Variants in PTGFRN observed in about 807,000 individuals in gnomAD.
PTGFRN encodes prostaglandin F2 receptor negative regulator.
Under a neutral mutation model 83.2 loss-of-function variants are expected in PTGFRN, and 35 were observed. The ratio of observed to expected loss-of-function variants is 0.42; its 90% CI spans 0.32 to 0.56. PTGFRN has a LOEUF of 0.56. PTGFRN is among the 20% of genes least tolerant of loss of function. The pLI, the probability that PTGFRN is intolerant of heterozygous loss-of-function variation, is 0.11. For missense variants in PTGFRN, 1,051 were observed against 1,179.5 expected, an observed-to-expected ratio of 0.89 and a Z score of 1.60; for synonymous variants, 519 against 498.6, an observed-to-expected ratio of 1.04 and a Z score of -0.55.
intron 7 of PTGFRN, among the ~76,000 whole-genome samples, chr1:116,982,560 CAA>C (rs754782950): frequency 6.6e-6 from 1 of 151,968 alleles, no homozygotes; most frequent in African/African-American, 2.4e-5. Flanking sequence ...TCTCCGCAAG[CAA>C]AGACAGACAA....
Position 116,984,908 on chromosome 1 carries a change from T to A in PTGFRN, c.2396T>A (p.Val799Glu), listed in dbSNP as rs764595011. The A allele has an allele frequency of 6.2e-7, 1 of 1,614,184 alleles. No individual in the cohort carries two copies. The highest frequency in any genetic ancestry group is 1.7e-5 in the Admixed American group (1 of 60,024). The change falls in exon 8 of 9, where the codon GTG becomes GAG. Residue 799 changes from valine (V) to glutamate (E), a missense_variant. Val to Glu is a moderately radical substitution (Grantham distance 121). Around this residue, in one of 3 missense-constraint regions of PTGFRN, gnomAD observed 719 missense variants for 836.6 expected, o/e 0.86. Coordinates refer to ENST00000393203, the MANE Select transcript of PTGFRN (RefSeq NM_020440.4). ...TACTACTGTTCCGTGACTCCATGGG[T>A]GAAGTCACCAACAGGTTCCTGGCAG... ...GNYYCSVTPW[V>E]KSPTGSWQKE...
In PTGFRN at chr1:116,961,209, T is replaced by C; in HGVS notation, c.1214-34T>C. ...AATTCTTGCCATGTTACTCTAATTA[T>C]TTTCCTATCCTGGCCTTTCTGTCTC... On this transcript the variant is annotated intron_variant, in intron 4 of 8. Transcript: ENST00000393203. The surrounding 1 kb of genome is among the most constrained non-coding windows in gnomAD (Gnocchi z 5.4). The C allele has an allele frequency of 6.7e-7, 1 of 1,494,450 alleles. No individual in the cohort carries two copies. The highest frequency in any genetic ancestry group is 8.9e-7 in the Non-Finnish European group (1 of 1,122,050). The allele number at this position is 1,494,450 out of a possible 1,614,324, so 92.6% of individuals were successfully genotyped here. A position where few individuals can be genotyped will look rare whatever the true frequency, so the allele number is the denominator to read the frequency against.
rs1479780768 is a variant in PTGFRN, at chr1:116,918,642, C to T, written c.49+8390C>T. ...ACTGAGGCAAAGCCATGGTCAGAGTCTGAGCTGGAGGAGAGTGGGCTGGGG... is the reference window on the plus strand; with the variant it reads ...ACTGAGGCAAAGCCATGGTCAGAGTTTGAGCTGGAGGAGAGTGGGCTGGGG... On this transcript the variant is annotated intron_variant, in intron 1 of 8. Transcript: ENST00000393203. This position sits in a 1 kb window ranked among gnomAD's most constrained non-coding sequence, Gnocchi z 4.1. Among the ~76,000 whole-genome samples the T allele has an allele frequency of 2.0e-5, 3 of 152,184 alleles. No homozygotes were observed. Among genetic ancestry groups the T allele is most frequent in the Non-Finnish European group, 4.4e-5 (3 of 68,046 alleles).
chr1:116,972,208 A>G (rs548090929), intron 6 of PTGFRN, among the ~76,000 whole-genome samples: 1 of 152,290 alleles, frequency 6.6e-6, no homozygotes, highest in African/African-American at 2.4e-5. Context: ...ATTGAAGGGG[A>G]TGATGTCCAG....
At chr1:116,924,217 G>A (rs998998798) in intron 1 of PTGFRN, among the ~76,000 whole-genome samples, 2 of 145,168 alleles carry the variant, frequency 1.4e-5, no homozygotes, top group Non-Finnish European at 3.0e-5. Context: ...GCACAGTCTC[G>A]GCTCATTGCA....
Position 116,984,970 on chromosome 1 carries a change from A to G in PTGFRN, c.2458A>G (p.Thr820Ala). 2 of 1,613,600 alleles carry G rather than the reference A, an allele frequency of 1.2e-6. No homozygotes were observed. Among genetic ancestry groups the G allele is most frequent in the Non-Finnish European group, 1.7e-6 (2 of 1,179,590 alleles). The change falls in exon 8 of 9, where the codon ACT (threonine) becomes GCT (alanine). Residue 820 changes from threonine (T) to alanine (A), a missense_variant. Physicochemically the swap from Thr to Ala is moderately conservative, Grantham distance 58 (BLOSUM62 0). Coordinates refer to ENST00000393203, the MANE Select transcript of PTGFRN (RefSeq NM_020440.4). ...GATCCACTCCAAGCCCGTTTTTATA[A>G]CTGTGAAGATGGATGGTAAGAATGT... ...AEIHSKPVFI[T>A]VKMDVLNAFK...
At chr1:116,917,327 C>T (rs1317340940) in intron 1 of PTGFRN, among the ~76,000 whole-genome samples, 1 of 152,124 alleles carries the variant, frequency 6.6e-6, no homozygotes, top group African/African-American at 2.4e-5. Context: ...CCAGGCGTCT[C>T]TAAGCAGGCC....
At chr1:116,938,454 G>T (rs1362989322) in intron 1 of PTGFRN, among the ~76,000 whole-genome samples, 1 of 152,214 alleles carries the variant, frequency 6.6e-6, no homozygotes, top group East Asian at 1.9e-4. Flanking sequence ...GCAAAGAGAA[G>T]AGCGCTTGTG....
chr1:116,919,242 G>A (rs1012363068), intron 1 of PTGFRN, among the ~76,000 whole-genome samples: 6 of 152,288 alleles, frequency 3.9e-5, no homozygotes, highest in South Asian at 4.1e-4. Context: ...AGCCCTAGGC[G>A]TTGTGGGGAA....
chr1:116,947,356 C>G (rs1466742810), intron 3 of PTGFRN, among the ~76,000 whole-genome samples: 1 of 152,212 alleles, frequency 6.6e-6, no homozygotes, highest in African/African-American at 2.4e-5. Context: ...AGAGAACCTG[C>G]CCCACCACAG....
chr1:116,910,306 G>C, intron 1 of PTGFRN, 54 bp downstream of exon 1: 1 of 1,266,354 alleles, frequency 7.9e-7, no homozygotes, highest in Non-Finnish European at 9.9e-7. Flanking sequence ...GGCCCTGGAG[G>C]GCTCGGCGGG....
chr1:116,961,583 T>C lies in PTGFRN; in HGVS notation c.1554T>C (p.Ser518=), dbSNP rs1650666241. The C allele has an allele frequency of 6.2e-7, 1 of 1,614,126 alleles. No individual in the cohort carries two copies. Among genetic ancestry groups the C allele is most frequent in the Admixed American group, 1.7e-5 (1 of 60,012 alleles). The change falls in exon 5 of 9, where the codon TCT becomes TCC. Residue 518 remains serine (S), a synonymous_variant. Transcript: ENST00000393203. This position sits in a 1 kb window ranked among gnomAD's most constrained non-coding sequence, Gnocchi z 5.4. The stretch of plus-strand genomic sequence containing the variant: ...GAGGCAATTATTACTGTGTTGTGTC[T>C]GCCTGGACCAAACAGCGGAACAACA... ...EDRGNYYCVV[S]AWTKQRNNSW...
At chr1:116,971,661 A>C (rs1455225875) in intron 6 of PTGFRN, among the ~76,000 whole-genome samples, 2 of 152,234 alleles carry the variant, frequency 1.3e-5, no homozygotes, top group Admixed American at 1.3e-4. Context: ...ATAGCTCACC[A>C]CAATGCAGGC....
In PTGFRN at chr1:116,944,764, C is replaced by T; in HGVS notation, c.504C>T (p.Arg168=). 6.4e-7 allele frequency: 1 copy of T among 1,552,844 alleles called. No homozygotes were observed. Among genetic ancestry groups the T allele is most frequent in the Non-Finnish European group, 8.7e-7 (1 of 1,153,486 alleles). Residue 168 remains arginine, a synonymous_variant, in exon 3 of 9, where the codon CGC becomes CGT. Transcript: ENST00000393203. ...GGGAGGGGGAGCCCTTCGAGCTGCGCTGCACCGCCGCCTCCGCCTCGCCGC... is the reference window on the plus strand; with the variant it reads ...GGGAGGGGGAGCCCTTCGAGCTGCGTTGCACCGCCGCCTCCGCCTCGCCGC... ...SLREGEPFEL[R]CTAASASPLH...
At chr1:116,954,184 G>A (rs890863084) in intron 4 of PTGFRN, among the ~76,000 whole-genome samples, 9 of 151,968 alleles carry the variant, frequency 5.9e-5, no homozygotes, top group African/African-American at 1.9e-4. Context: ...TTGGGTGCAG[G>A]GCATAGATGT....
At position 116,975,529 on chromosome 1, in the gene PTGFRN, C is replaced by T. The variant is rs1651120929; in HGVS notation, c.2167+1206C>T. ...CGGGTACCCCTCTGAGACGAAGCTT[C>T]CAGAGGAACGATCAGCAGAAACATT... On this transcript the variant is annotated intron_variant, in intron 7 of 8. Coordinates refer to ENST00000393203, the MANE Select transcript of PTGFRN (RefSeq NM_020440.4). 2.0e-5 allele frequency among the ~76,000 whole-genome samples: 3 copies of T among 152,314 alleles called. 1 individual carries two copies. The South Asian group carries it at 6.2e-4, about 32-fold the overall frequency.
intron 7 of PTGFRN, among the ~76,000 whole-genome samples, chr1:116,975,475 A>C (rs1009938468): frequency 2.6e-5 from 4 of 152,196 alleles, no homozygotes; most frequent in Admixed American, 2.6e-4. Flanking sequence ...GGAACCCCCC[A>C]GTAGGGGCAG....
intron 6 of PTGFRN, among the ~76,000 whole-genome samples, 170 bp from the exon 7 acceptor site, chr1:116,974,046 C>A (rs1004021071): frequency 2.0e-5 from 3 of 152,172 alleles, no homozygotes; most frequent in African/African-American, 7.2e-5. Context: ...GTGCCTAATG[C>A]CCATGTCTCT....
intron 6 of PTGFRN, among the ~76,000 whole-genome samples, chr1:116,973,793 T>C (rs570571865): frequency 1.2e-3 from 188 of 152,178 alleles, no homozygotes; most frequent in Non-Finnish European, 2.1e-3. Context: ...CACAGTGCAG[T>C]GAGACCACTC....
Sources: allele counts gnomAD v4.1 joint callset (sites outside exome capture counted in the v4.1 genomes callset), GRCh38; gene constraint gnomAD v4.1.1; regional missense constraint gnomAD v4.1.1; non-coding constraint Gnocchi (gnomAD v3.1); transcripts MANE v1.5; gene names NCBI Gene and HGNC (gene_info 2026-07-23, HGNC 2026-07-21).